The following B3GALT1 variants were observed in gnomAD, a reference collection of about 807,000 sequenced individuals.
B3GALT1 encodes UDP-Gal:betaGlcNAc beta 1,3-galactosyltransferase, polypeptide 1.
In B3GALT1, 10 loss-of-function variants were observed where a neutral mutation model predicts 23.2. The ratio of observed to expected loss-of-function variants is 0.43; its 90% CI spans 0.27 to 0.73. The LOEUF (loss-of-function observed/expected upper bound fraction) is 0.73. B3GALT1 is among the 30% of genes least tolerant of loss of function. The pLI, the probability that B3GALT1 is intolerant of heterozygous loss-of-function variation, is 0.21. For missense variants in B3GALT1, 299 were observed against 405.4 expected, an observed-to-expected ratio of 0.74 and a Z score of 2.25; for synonymous variants, 156 against 141.5, an observed-to-expected ratio of 1.10 and a Z score of -0.73.
intron 2 of B3GALT1, among the ~76,000 whole-genome samples, chr2:167,589,585 A>G (rs892058338): frequency 2.6e-5 from 4 of 152,182 alleles, no homozygotes; most frequent in Non-Finnish European, 2.9e-5. Flanking sequence ...CAAATTTAAT[A>G]TTCCAGTTTT....
At chr2:167,391,655 T>C (rs1315864597) in intron 1 of B3GALT1, among the ~76,000 whole-genome samples, 1 of 152,186 alleles carries the variant, frequency 6.6e-6, no homozygotes, top group Non-Finnish European at 1.5e-5. Context: ...GGATCGATAA[T>C]GTACAAGCAT....
intron 3 of B3GALT1, among the ~76,000 whole-genome samples, chr2:167,801,134 G>C (rs1574268979): frequency 6.6e-6 from 1 of 152,358 alleles, no homozygotes; most frequent in East Asian, 1.9e-4. Context: ...TATAGACATA[G>C]TCTTGAATAC....
chr2:167,535,608 T>TA (rs1292827502), intron 2 of B3GALT1, among the ~76,000 whole-genome samples: 3 of 151,658 alleles, frequency 2.0e-5, no homozygotes, highest in Non-Finnish European at 4.4e-5. Flanking sequence ...CACATAGGTA[T>TA]AAAAAGGAGA....
intron 2 of B3GALT1, among the ~76,000 whole-genome samples, chr2:167,564,460 T>A (rs1684107651): frequency 2.0e-5 from 3 of 146,380 alleles, no homozygotes. Context: ...CCAGACGGGG[T>A]GGCGGCCGGG....
chr2:167,389,240 C>CA (rs551892635), intron 1 of B3GALT1, among the ~76,000 whole-genome samples: 69 of 152,262 alleles, frequency 4.5e-4, no homozygotes, highest in Non-Finnish European at 9.0e-4. Context: ...AAGATTTTGT[C>CA]TATGTTCAGT....
chr2:167,625,696 TTC>T (rs1450508658), intron 2 of B3GALT1, among the ~76,000 whole-genome samples: 1 of 151,688 alleles, frequency 6.6e-6, no homozygotes, highest in African/African-American at 2.4e-5. Context: ...AAACTATACT[TTC>T]TCTGCAATTT....
chr2:167,327,347 A>G (rs1696911256), intron 1 of B3GALT1, among the ~76,000 whole-genome samples: 2 of 152,208 alleles, frequency 1.3e-5, no homozygotes, highest in African/African-American at 4.8e-5. Flanking sequence ...TTTGGGCAGT[A>G]TGGTTATTTT....
intron 1 of B3GALT1, among the ~76,000 whole-genome samples, chr2:167,304,471 T>C (rs1696514965): frequency 6.6e-6 from 1 of 152,128 alleles, no homozygotes; most frequent in Non-Finnish European, 1.5e-5. Flanking sequence ...ATAAATCTAA[T>C]CAGATTAGAG....
intron 4 of B3GALT1, among the ~76,000 whole-genome samples, chr2:167,822,439 C>T (rs987482968): frequency 2.0e-5 from 3 of 152,090 alleles, no homozygotes; most frequent in South Asian, 2.1e-4. Context: ...TCTTACACAG[C>T]GCACCCTCTA....
At chr2:167,522,734 C>A (rs937479182) in intron 2 of B3GALT1, among the ~76,000 whole-genome samples, 2 of 151,974 alleles carry the variant, frequency 1.3e-5, no homozygotes, top group African/African-American at 4.8e-5. Context: ...AGGTGAAGTC[C>A]CTATCTAACC....
intron 3 of B3GALT1, among the ~76,000 whole-genome samples, chr2:167,713,054 G>A (rs138101025): frequency 6.6e-6 from 1 of 152,124 alleles, no homozygotes; most frequent in African/African-American, 2.4e-5. Flanking sequence ...GTGCACACAT[G>A]GCAATTATTA....
chr2:167,522,043 A>C (rs1367513378), intron 2 of B3GALT1, among the ~76,000 whole-genome samples: 1 of 138,294 alleles, frequency 7.2e-6, no homozygotes. Flanking sequence ...TATATGATTT[A>C]AAAGGTAAAA....
At chr2:167,838,194 A>C (rs1689533947) in intron 4 of B3GALT1, among the ~76,000 whole-genome samples, 1 of 151,918 alleles carries the variant, frequency 6.6e-6, no homozygotes, top group Non-Finnish European at 1.5e-5. Context: ...AACTGAAGGA[A>C]ATAGAGACAC....
At chr2:167,491,957 G>A (rs545706154) in intron 2 of B3GALT1, among the ~76,000 whole-genome samples, 1 of 152,284 alleles carries the variant, frequency 6.6e-6, no homozygotes, top group South Asian at 2.1e-4. Context: ...TTTGTTACAA[G>A]TGATGACTCA....
At chr2:167,414,849 G>A (rs2927602) in intron 1 of B3GALT1, among the ~76,000 whole-genome samples, 141,187 of 152,212 alleles carry the variant, frequency 0.93, 66,051 homozygotes, top group Non-Finnish European at 0.99. Flanking sequence ...CTCAGTAGCC[G>A]TAGGTATGAT....
chr2:167,507,154 C>T (rs537130345), intron 2 of B3GALT1, among the ~76,000 whole-genome samples: 1 of 152,054 alleles, frequency 6.6e-6, no homozygotes, highest in African/African-American at 2.4e-5. Flanking sequence ...GCCACAAGAA[C>T]AGAAAGATGA....
intron 3 of B3GALT1, among the ~76,000 whole-genome samples, chr2:167,735,864 G>A (rs1022135711): frequency 2.6e-5 from 4 of 152,192 alleles, no homozygotes; most frequent in African/African-American, 4.8e-5. Context: ...AAGTGGTAGA[G>A]TTATCTATGA....
chr2:167,750,581 A>G lies in B3GALT1; in HGVS notation c.-351-68091A>G, dbSNP rs553756673. Among the ~76,000 whole-genome samples, 297 of 152,238 alleles carry G rather than the reference A, an allele frequency of 2.0e-3. 2 individuals are homozygous for G. The South Asian group carries it at 0.025, about 13-fold the overall frequency. The stretch of plus-strand genomic sequence containing the variant: ...TTTTGGTGAAAATAATTTGGAGTTC[A>G]ACCAGGTTGGTACCTGGGTACCTGG... On this transcript the variant is annotated intron_variant, in intron 3 of 4. Coordinates refer to ENST00000392690, the MANE Select transcript of B3GALT1 (RefSeq NM_020981.4).
At chr2:167,293,630 C>T (rs1165431534) in intron 1 of B3GALT1, among the ~76,000 whole-genome samples, 1 of 152,170 alleles carries the variant, frequency 6.6e-6, no homozygotes, top group African/African-American at 2.4e-5. Flanking sequence ...TGGGTCCCCT[C>T]TGCGTGGCCC....
Sources: allele counts gnomAD v4.1 joint callset (sites outside exome capture counted in the v4.1 genomes callset), GRCh38; gene constraint gnomAD v4.1.1; transcripts MANE v1.5; gene names NCBI Gene and HGNC (gene_info 2026-07-23, HGNC 2026-07-21).